CYP4V2: variants seen among roughly 807,000 people sequenced by gnomAD.
CYP4V2 encodes cytochrome P450 4V2.
In CYP4V2, 55 loss-of-function variants were observed where a neutral mutation model predicts 60.8. The ratio of observed to expected loss-of-function variants is 0.90; its 90% confidence interval spans 0.73 to 1.13. CYP4V2 has a LOEUF of 1.13. Among genes scored for constraint, CYP4V2 ranks in the 50% most tolerant of loss-of-function variants. The probability of loss-of-function intolerance (pLI) is 0.00; values close to 1 mark genes in which losing one functional copy is unlikely to be tolerated. For synonymous variants in CYP4V2, 239 were observed against 236.8 expected, an observed-to-expected ratio of 1.01 and a Z score of -0.08; for missense variants, 675 against 662.9, an observed-to-expected ratio of 1.02 and a Z score of -0.20.
chr4:186,205,159 C>T lies in CYP4V2; in HGVS notation c.988-41C>T, dbSNP rs372357833. 6 of 1,587,914 alleles carry T rather than the reference C, an allele frequency of 3.8e-6. No homozygotes were observed. In the African/African-American group the frequency reaches 8.1e-5, roughly 21 times the overall value. On this transcript the variant is annotated intron_variant, in intron 7 of 10. Transcript: ENST00000378802. ...TTCTGGTCACTCCTAATCATCGCAG[C>T]ATAACTCTGCTTTTTAAGCTATTGT...
chr4:186,196,886 TTC>T (rs35200327), intron 3 of CYP4V2, 52 bp from the exon 4 acceptor site: 617,530 of 1,490,084 alleles, frequency 0.41, 129,003 homozygotes, highest in African/African-American at 0.68. Context: ...ACTTTTCTCT[TTC>T]TCTCTCTCTC....
chr4:186,198,354 AG>A (rs1736215707), intron 5 of CYP4V2, among the ~76,000 whole-genome samples: 1 of 152,248 alleles, frequency 6.6e-6, no homozygotes, highest in African/African-American at 2.4e-5. Context: ...CAGGAAGAAA[AG>A]ATCAAATTGA....
chr4:186,201,006 C>A, intron 6 of CYP4V2, 151 bp from the exon 7 acceptor site: 1 of 783,480 alleles, frequency 1.3e-6, no homozygotes. Context: ...TGAGGCTTTA[C>A]TGTATTTTCA....
At position 186,194,384 on chromosome 4, in the gene CYP4V2, A is replaced by G. The variant is rs1467441616; in HGVS notation, c.215-116A>G. 4 of 888,964 alleles carry G rather than the reference A, an allele frequency of 4.5e-6. No homozygotes were observed. The African/African-American group carries it at 6.6e-5, about 15-fold the overall frequency. The allele number at this position is 888,964 out of a possible 1,614,324, so 55.1% of individuals were successfully genotyped here. A position where few individuals can be genotyped will look rare whatever the true frequency, so the allele number is the denominator to read the frequency against. ...CATGCTCTCTACCTGGCTTCCTCTA[A>G]CAGTAACATATTACAGAATTAGTAT... On this transcript the variant is annotated intron_variant, in intron 1 of 10. Coordinates refer to ENST00000378802, the MANE Select transcript of CYP4V2 (RefSeq NM_207352.4).
chr4:186,201,174 C>A lies in CYP4V2; in HGVS notation c.819C>A (p.Ala273=). ...TFTNSVIAER[A]NEMNANEDCR... is the part of the protein sequence containing the mutation. Reference sequence around the variant, plus strand: ...TCATACAGGTCATCGCTGAACGGGCCAATGAAATGAACGCCAATGAAGACT... The same window carrying A: ...TCATACAGGTCATCGCTGAACGGGCAAATGAAATGAACGCCAATGAAGACT... The change falls in exon 7 of 11, where the codon GCC becomes GCA. Residue 273 remains alanine (A), a synonymous_variant. Coordinates refer to ENST00000378802, the MANE Select transcript of CYP4V2 (RefSeq NM_207352.4). 2 of 1,614,112 alleles carry A rather than the reference C, an allele frequency of 1.2e-6. No homozygotes were observed. The highest frequency in any genetic ancestry group is 1.7e-6 in the Non-Finnish European group (2 of 1,180,014).
chr4:186,203,133 T>C (rs1736373925), intron 7 of CYP4V2: 1 of 149,874 alleles, frequency 6.7e-6, no homozygotes, highest in Non-Finnish European at 1.5e-5. Context: ...CACACACAAA[T>C]ACATGTACAT....
chr4:186,202,137 T>A (rs72646278), intron 7 of CYP4V2: 74 of 152,418 alleles, frequency 4.9e-4, no homozygotes, highest in African/African-American at 1.8e-3. Flanking sequence ...CGAGTTCCAG[T>A]TCAGGCTCTG....
chr4:186,210,742 C>G lies in CYP4V2; in HGVS notation c.*101C>G. On this transcript the variant is annotated 3_prime_UTR_variant, in exon 11 of 11. Transcript: ENST00000378802. The stretch of plus-strand genomic sequence containing the variant: ...ATCATGAGTTCAATATGCTTGAATC[C>G]CCTAGACCTAATTTTTCCTTGATCC... The G allele has an allele frequency of 7.0e-7, 1 of 1,430,158 alleles. No homozygotes were observed. The highest frequency in any genetic ancestry group is 1.2e-5 in the South Asian group (1 of 81,236). 88.6% of individuals were successfully genotyped at this position (1,430,158 alleles called of 1,614,324 possible). A position where few individuals can be genotyped will look rare whatever the true frequency, so the allele number is the denominator to read the frequency against.
At chr4:186,197,914 T>C (rs1416641445) in intron 5 of CYP4V2, among the ~76,000 whole-genome samples, 1 of 152,262 alleles carries the variant, frequency 6.6e-6, no homozygotes, top group African/African-American at 2.4e-5. Context: ...ATAATTGTTA[T>C]ATTTAAAAAT....
At chr4:186,200,665 GA>G (rs1187870176) in intron 6 of CYP4V2, among the ~76,000 whole-genome samples, 1 of 152,162 alleles carries the variant, frequency 6.6e-6, no homozygotes, top group Non-Finnish European at 1.5e-5. Flanking sequence ...TGGAAGAAGG[GA>G]GGGGGCAGCC....
intron 7 of CYP4V2, chr4:186,204,207 A>C (rs1012128849): frequency 1.1e-5 from 2 of 176,756 alleles, no homozygotes; most frequent in Non-Finnish European, 1.3e-5. Context: ...TACCGCTAAG[A>C]GGTGGAGGTG....
In CYP4V2 at chr4:186,195,964, T is replaced by G; in HGVS notation, c.328-39T>G. 7.0e-7 allele frequency: 1 copy of G among 1,437,500 alleles called. No homozygotes were observed. The highest frequency in any genetic ancestry group is 9.8e-7 in the Non-Finnish European group (1 of 1,021,412). The allele number at this position is 1,437,500 out of a possible 1,614,324, so 89.0% of individuals were successfully genotyped here. A position where few individuals can be genotyped will look rare whatever the true frequency, so the allele number is the denominator to read the frequency against. ...CTATAATTACAGGAAGGTTGTTTGA[T>G]GTCTGTATGTCTCTAAAGTATGTTT... On this transcript the variant is annotated intron_variant, in intron 2 of 10. Transcript: ENST00000378802. This position sits in a 1 kb window ranked among gnomAD's most constrained non-coding sequence, Gnocchi z 4.1.
Position 186,207,425 on chromosome 4 carries a change from AG to A in CYP4V2, c.1091-1439del, listed in dbSNP as rs374925490. Among the ~76,000 whole-genome samples the A allele has an allele frequency of 1.7e-3, 238 of 137,210 alleles. 2 individuals are homozygous for A. Among genetic ancestry groups the A allele is most frequent in the Admixed American group, 2.0e-3 (28 of 13,992 alleles). 90.0% of individuals were successfully genotyped at this position (137,210 alleles called of 152,430 possible). A position where few individuals can be genotyped will look rare whatever the true frequency, so the allele number is the denominator to read the frequency against. On this transcript the variant is annotated intron_variant, in intron 8 of 10. Transcript: ENST00000378802. ...AGACTCTGTCTCCAAAAAAAAAAAA[AG>A]AAAGAAAGAAAGAAAAAAACATTTG...
chr4:186,204,906 G>A (rs1467941440), intron 7 of CYP4V2: 1 of 449,210 alleles, frequency 2.2e-6, no homozygotes, highest in Non-Finnish European at 4.1e-6. Context: ...GTTCACAAAG[G>A]CGCAGCTCAC....
intron 7 of CYP4V2, chr4:186,204,466 T>C: frequency 4.8e-6 from 1 of 206,512 alleles, no homozygotes; most frequent in Admixed American, 5.5e-5. Flanking sequence ...GCGTAAGAGG[T>C]GGAGGTGGAG....
At chr4:186,204,934 C>T (rs1195389266) in intron 7 of CYP4V2, 1 of 501,324 alleles carries the variant, frequency 2.0e-6, no homozygotes, top group East Asian at 3.8e-5. Context: ...CCATGGAACG[C>T]CGCCTTTATT....
At chr4:186,202,397 G>A (rs1270507827) in intron 7 of CYP4V2, 1 of 152,164 alleles carries the variant, frequency 6.6e-6, no homozygotes. Flanking sequence ...ACCTCACCTA[G>A]CCGTTCTGGG....
At position 186,212,658 on chromosome 4, in the gene CYP4V2, T is replaced by C. The variant is rs886059295; in HGVS notation, c.*2017T>C. The C allele has an allele frequency of 3.9e-5, 6 of 152,228 alleles. 1 individual carries two copies. Among genetic ancestry groups the C allele is most frequent in the Admixed American group, 2.6e-4 (4 of 15,282 alleles). The allele number at this position is 152,228 out of a possible 1,614,324, so 9.4% of individuals were successfully genotyped here. On this transcript the variant is annotated 3_prime_UTR_variant, in exon 11 of 11. Coordinates refer to ENST00000378802, the MANE Select transcript of CYP4V2 (RefSeq NM_207352.4). ...GGAACTGGAAGGACCTTAGAACTTA[T>C]CTGTTATGCTCCTGATAGCCAATAG... is the stretch of plus-strand genomic sequence containing the variant.
At chr4:186,193,448 C>T (rs1363834798) in intron 1 of CYP4V2, among the ~76,000 whole-genome samples, 1 of 152,204 alleles carries the variant, frequency 6.6e-6, no homozygotes, top group Non-Finnish European at 1.5e-5. Context: ...TTTTATTCCA[C>T]CAACAAATTC....
Sources: allele counts gnomAD v4.1 joint callset (sites outside exome capture counted in the v4.1 genomes callset), GRCh38; gene constraint gnomAD v4.1.1; non-coding constraint Gnocchi (gnomAD v3.1); transcripts MANE v1.5; gene names NCBI Gene and HGNC (gene_info 2026-07-23, HGNC 2026-07-21).